The following COL22A1 variants were observed in gnomAD, a reference collection of about 807,000 sequenced individuals.
The protein encoded by COL22A1 is collagen type XXII alpha 1 chain.
COL22A1 carries 221 observed loss-of-function variants against 248.9 expected under a neutral mutation model. The ratio of observed to expected loss-of-function variants is 0.89; its 90% CI spans 0.80 to 0.99. The LOEUF is 0.99. Ranked by LOEUF, COL22A1 falls within the 50% of genes least tolerant of loss-of-function variation. The probability of loss-of-function intolerance (pLI) is 0.00; values close to 1 mark genes in which losing one functional copy is unlikely to be tolerated. For missense variants in COL22A1, 2,240 were observed against 2,179.0 expected (o/e 1.03, Z -0.56); for synonymous variants, 891 against 793.4 (o/e 1.12, Z -2.07).
chr8:138,597,606 AG>A (rs1319818269), intron 61 of COL22A1, among the ~76,000 whole-genome samples: 6 of 152,214 alleles, frequency 3.9e-5, no homozygotes, highest in Non-Finnish European at 8.8e-5. Flanking sequence ...AGCTGTCCTC[AG>A]GCTGTACAGA....
At position 138,908,454 on chromosome 8, in the gene COL22A1, C is replaced by T. The variant is rs143277913; in HGVS notation, c.-73+5165G>A. Among the ~76,000 whole-genome samples, 327 of 152,294 alleles carry T rather than the reference C, an allele frequency of 2.1e-3. 3 individuals are homozygous for T. The highest frequency in any genetic ancestry group is 4.8e-3 in the Admixed American group (73 of 15,300). ...GGAATAACAAAGAAAAAATTGATTGCCCAAATAGTACATCTGCTTTCTCAT... is the reference window on the plus strand; with the variant it reads ...GGAATAACAAAGAAAAAATTGATTGTCCAAATAGTACATCTGCTTTCTCAT... On this transcript the variant is annotated intron_variant, in intron 1 of 64. Transcript: ENST00000303045.
At position 138,836,894 on chromosome 8, in the gene COL22A1, A is replaced by G. The variant is rs181073643; in HGVS notation, c.734-3744T>C. Among the ~76,000 whole-genome samples, 4 of 152,292 alleles carry G rather than the reference A, an allele frequency of 2.6e-5. No individual in the cohort carries two copies. The East Asian group carries it at 7.8e-4, about 30-fold the overall frequency. Reference sequence around the variant, plus strand: ...CAGAACAGCCGCTGTTCCTACTCAAAGCCATGGGGTTAATCCCAGGTAAAG... The same window carrying G: ...CAGAACAGCCGCTGTTCCTACTCAAGGCCATGGGGTTAATCCCAGGTAAAG... On this transcript the variant is annotated intron_variant, in intron 4 of 64. Coordinates refer to ENST00000303045, the MANE Select transcript of COL22A1 (RefSeq NM_152888.3).
intron 41 of COL22A1, among the ~76,000 whole-genome samples, chr8:138,664,476 T>G (rs1191015996): frequency 6.6e-6 from 1 of 152,140 alleles, no homozygotes; most frequent in Non-Finnish European, 1.5e-5. Flanking sequence ...CCTGCCTTTC[T>G]GCCTGGAAAC....
chr8:138,725,896 G>A (rs1209267844), intron 23 of COL22A1, among the ~76,000 whole-genome samples: 1 of 152,138 alleles, frequency 6.6e-6, no homozygotes, highest in African/African-American at 2.4e-5. Context: ...CCAGGGGTGA[G>A]TAAAAAGATC....
intron 45 of COL22A1, among the ~76,000 whole-genome samples, chr8:138,655,538 AT>A (rs1054707964): frequency 6.6e-6 from 1 of 151,758 alleles, no homozygotes; most frequent in African/African-American, 2.4e-5. Flanking sequence ...TTTAAAAAAC[AT>A]TTTTTTTGGT....
intron 3 of COL22A1, among the ~76,000 whole-genome samples, chr8:138,865,764 T>G (rs532783477): frequency 4.0e-5 from 6 of 151,128 alleles, no homozygotes; most frequent in African/African-American, 1.5e-4. Context: ...TATGTATGTT[T>G]GTATGCCTCT....
rs2873679 is a variant in COL22A1, at chr8:138,821,557, G to A, written c.970-146C>T. On this transcript the variant is annotated intron_variant, in intron 6 of 64. Coordinates refer to ENST00000303045, the MANE Select transcript of COL22A1 (RefSeq NM_152888.3). ...TACCAGCTGGTCACCTGCCACCTGA[G>A]CTTGGACAAATTCCGTCACACCTCT... 1,337 of 784,484 alleles carry A rather than the reference G, an allele frequency of 1.7e-3. 15 individuals carry two copies. In the African/African-American group the frequency reaches 0.02, roughly 12 times the overall value. 48.6% of individuals were successfully genotyped at this position (784,484 alleles called of 1,614,324 possible).
intron 45 of COL22A1, among the ~76,000 whole-genome samples, chr8:138,653,002 C>T (rs1822899336): frequency 6.6e-6 from 1 of 152,036 alleles, no homozygotes; most frequent in Non-Finnish European, 1.5e-5. Context: ...CTGCTTCGGC[C>T]TCCCTAAGTG....
At position 138,606,297 on chromosome 8, in the gene COL22A1, C is replaced by T. The variant is rs537209419; in HGVS notation, c.4104+84G>A. 8.2e-6 allele frequency: 10 copies of T among 1,217,466 alleles called. No homozygotes were observed. The African/African-American group carries it at 1.0e-4, about 13-fold the overall frequency. The allele number at this position is 1,217,466 out of a possible 1,614,324, so 75.4% of individuals were successfully genotyped here. A position where few individuals can be genotyped will look rare whatever the true frequency, so the allele number is the denominator to read the frequency against. ...GCCTGAGCAGACAGAACTGAGGACA[C>T]AGGAGGTGGCAGGGAAGGTACTGCA... On this transcript the variant is annotated intron_variant, in intron 58 of 64. Transcript: ENST00000303045.
chr8:138,616,351 C>G (rs773182379), intron 54 of COL22A1, among the ~76,000 whole-genome samples: 8 of 152,212 alleles, frequency 5.3e-5, no homozygotes, highest in Admixed American at 1.3e-4. Flanking sequence ...GCCTCCTTAT[C>G]TGCTCATCCA....
chr8:138,614,012 G>T (rs1819115340), intron 55 of COL22A1, 92 bp from the exon 56 acceptor site: 1 of 985,880 alleles, frequency 1.0e-6, no homozygotes, highest in Non-Finnish European at 1.6e-6. Context: ...ACCTCGCCAA[G>T]TTACCCAAAG....
chr8:138,625,971 C>T (rs543259164), intron 51 of COL22A1, among the ~76,000 whole-genome samples: 42 of 152,186 alleles, frequency 2.8e-4, no homozygotes, highest in African/African-American at 9.4e-4. Flanking sequence ...AACCAATATA[C>T]GCCTAAAAGA....
At chr8:138,791,312 A>T (rs541822898) in intron 12 of COL22A1, among the ~76,000 whole-genome samples, 3 of 152,206 alleles carry the variant, frequency 2.0e-5, no homozygotes, top group Non-Finnish European at 4.4e-5. Flanking sequence ...CCACGGAAAG[A>T]TAAACCTAGA....
intron 42 of COL22A1, among the ~76,000 whole-genome samples, chr8:138,663,036 A>ACACACACACACACACACAC (rs1554737820): frequency 1.1e-4 from 16 of 151,980 alleles, no homozygotes; most frequent in South Asian, 2.1e-4. Flanking sequence ...ACACACACAC[A>ACACACACACACACACACAC]AAGCAATCCC....
At chr8:138,739,784 A>G (rs1285366368) in intron 22 of COL22A1, among the ~76,000 whole-genome samples, 1 of 152,220 alleles carries the variant, frequency 6.6e-6, no homozygotes, top group African/African-American at 2.4e-5. Context: ...AAGGGAAGAT[A>G]CAACTTGGAG....
At position 138,878,374 on chromosome 8, in the gene COL22A1, C is replaced by A; in HGVS notation, c.92-58G>T. ...AAATGGGCATGGAAAGGACACTGTCCTGGGGTATACAGGTCACTGGGGTCA... is the reference window on the plus strand; with the variant it reads ...AAATGGGCATGGAAAGGACACTGTCATGGGGTATACAGGTCACTGGGGTCA... On this transcript the variant is annotated intron_variant, in intron 2 of 64. Coordinates refer to ENST00000303045, the MANE Select transcript of COL22A1 (RefSeq NM_152888.3). 6 of 1,372,306 alleles carry A rather than the reference C, an allele frequency of 4.4e-6. No homozygotes were observed. In the South Asian group the frequency reaches 7.7e-5, roughly 17 times the overall value. The allele number at this position is 1,372,306 out of a possible 1,614,324, so 85.0% of individuals were successfully genotyped here. A position where few individuals can be genotyped will look rare whatever the true frequency, so the allele number is the denominator to read the frequency against.
intron 17 of COL22A1, among the ~76,000 whole-genome samples, chr8:138,760,915 G>C (rs1489757773): frequency 6.6e-6 from 1 of 152,134 alleles, no homozygotes; most frequent in Non-Finnish European, 1.5e-5. Context: ...ACAGCACAGA[G>C]CACAGGGTAG....
At chr8:138,593,604 A>G (rs1393285791) in intron 63 of COL22A1, among the ~76,000 whole-genome samples, 3 of 152,020 alleles carry the variant, frequency 2.0e-5, no homozygotes, top group Non-Finnish European at 4.4e-5. Flanking sequence ...ATGTCCTGAT[A>G]AGTCACTGCC....
chr8:138,910,026 T>A (rs558636797), intron 1 of COL22A1, among the ~76,000 whole-genome samples: 21 of 152,326 alleles, frequency 1.4e-4, no homozygotes, highest in African/African-American at 5.1e-4. Context: ...TTCACCTATC[T>A]TGGTCCATCC....
Sources: allele counts gnomAD v4.1 joint callset (sites outside exome capture counted in the v4.1 genomes callset), GRCh38; gene constraint gnomAD v4.1.1; transcripts MANE v1.5; gene names NCBI Gene and HGNC (gene_info 2026-07-23, HGNC 2026-07-21).